DPP6: variants seen among roughly 807,000 people sequenced by gnomAD.
DPP6 encodes the protein dipeptidyl peptidase like 6.
In DPP6, 69 loss-of-function variants were observed where a neutral mutation model predicts 122.6. The ratio of observed to expected loss-of-function variants is 0.56; its 90% CI spans 0.46 to 0.69. DPP6 has a LOEUF of 0.69. Among genes scored for constraint, DPP6 ranks in the 30% least tolerant of loss-of-function variants. DPP6 has a pLI of 0.00. For synonymous variants in DPP6, 418 were observed against 433.1 expected, an observed-to-expected ratio of 0.97 and a Z score of 0.43; for missense variants, 928 against 1,116.9, an observed-to-expected ratio of 0.83 and a Z score of 2.41.
At chr7:153,835,229 A>ATT in the DPP6 span, among the ~76,000 whole-genome samples, 1 of 152,228 alleles carries the variant, frequency 6.6e-6, no homozygotes, top group Admixed American at 6.5e-5. Context: ...GACAGATGTG[A>ATT]TTAATGCTGA....
At chr7:154,746,426 T>C (rs74717899) in intron 8 of DPP6, among the ~76,000 whole-genome samples, 77 of 152,278 alleles carry the variant, frequency 5.1e-4, no homozygotes, top group African/African-American at 1.8e-3. Context: ...TGGGGACTTG[T>C]TGACAAAGTC....
intron 21 of DPP6, among the ~76,000 whole-genome samples, chr7:154,882,933 C>T (rs1805517952): frequency 1.3e-5 from 2 of 152,098 alleles, no homozygotes; most frequent in Non-Finnish European, 2.9e-5. Context: ...TTGGCATGAC[C>T]TGCGCTTCAC....
intron 5 of DPP6, among the ~76,000 whole-genome samples, chr7:154,623,170 C>G (rs149741812): frequency 2.0e-5 from 3 of 152,298 alleles, no homozygotes; most frequent in African/African-American, 7.2e-5. Flanking sequence ...TAACAGTTTG[C>G]AGAAAAGTCT....
At chr7:154,886,049 G>T (rs572706993) in intron 22 of DPP6, among the ~76,000 whole-genome samples, 2 of 152,354 alleles carry the variant, frequency 1.3e-5, no homozygotes, top group East Asian at 3.9e-4. Flanking sequence ...GCCAGGGTGC[G>T]CAGGAGGGGA....
chr7:154,216,480 T>TAGGGC (rs1246472802), intron 1 of DPP6, among the ~76,000 whole-genome samples: 1 of 152,182 alleles, frequency 6.6e-6, no homozygotes, highest in Non-Finnish European at 1.5e-5. Context: ...GTCCAAGGAC[T>TAGGGC]AGGGCAGGGC....
At chr7:153,870,969 T>C in the DPP6 span, among the ~76,000 whole-genome samples, 10 of 152,220 alleles carry the variant, frequency 6.6e-5, no homozygotes, top group Non-Finnish European at 1.0e-4. Flanking sequence ...ACAGCAGATA[T>C]TGGTGAACCT....
At chr7:153,818,014 A>G in the DPP6 span, among the ~76,000 whole-genome samples, 30 of 152,172 alleles carry the variant, frequency 2.0e-4, no homozygotes, top group East Asian at 5.0e-3. Flanking sequence ...CTCAGCCCAT[A>G]GAACAAAAGT....
chr7:154,752,213 A>T lies in DPP6; in HGVS notation c.884-17204A>T, dbSNP rs868320596. On this transcript the variant is annotated intron_variant, in intron 8 of 25. Transcript: ENST00000377770. Reference sequence around the variant, plus strand: ...TATTGTTTTAAAGAAAAGGATCCTTAACATTTCAGTGTGTAAGTACATCAA... The same window carrying T: ...TATTGTTTTAAAGAAAAGGATCCTTTACATTTCAGTGTGTAAGTACATCAA... 3.7e-4 allele frequency among the ~76,000 whole-genome samples: 56 copies of T among 152,334 alleles called. No homozygotes were observed. In the Middle Eastern group the frequency reaches 0.01, roughly 28 times the overall value.
upstream of DPP6, among the ~76,000 whole-genome samples, chr7:154,047,661 A>G (rs1248303072): frequency 1.3e-5 from 2 of 152,074 alleles, no homozygotes; most frequent in African/African-American, 4.8e-5. Flanking sequence ...GATTATTTGG[A>G]TAATTTCTGA....
intron 1 of DPP6, among the ~76,000 whole-genome samples, chr7:154,346,455 C>T (rs1810404172): frequency 6.6e-6 from 1 of 152,142 alleles, no homozygotes; most frequent in African/African-American, 2.4e-5. Context: ...TACAGGCACT[C>T]ACCACCATGC....
intron 1 of DPP6, among the ~76,000 whole-genome samples, chr7:154,153,448 A>G (rs1585501847): frequency 6.6e-6 from 1 of 152,284 alleles, no homozygotes; most frequent in African/African-American, 2.4e-5. Context: ...CGGCCTCCCA[A>G]TATGCTGGGA....
At chr7:154,756,135 C>G (rs1188233970) in intron 8 of DPP6, among the ~76,000 whole-genome samples, 1 of 152,188 alleles carries the variant, frequency 6.6e-6, no homozygotes, top group Non-Finnish European at 1.5e-5. Flanking sequence ...TCCAACTTCC[C>G]AGAACAATGA....
At chr7:154,644,179 C>T (rs1023336322) in intron 6 of DPP6, among the ~76,000 whole-genome samples, 2 of 152,132 alleles carry the variant, frequency 1.3e-5, no homozygotes, top group East Asian at 1.9e-4. Context: ...ACAGTAGGCG[C>T]AGATTAGTTT....
intron 12 of DPP6, among the ~76,000 whole-genome samples, chr7:154,798,922 G>A (rs769247570): frequency 2.0e-5 from 3 of 152,170 alleles, no homozygotes; most frequent in Non-Finnish European, 4.4e-5. Flanking sequence ...TGCTGCCAGC[G>A]AAGCCATTGG....
At chr7:154,404,705 C>T (rs765684089) in intron 1 of DPP6, among the ~76,000 whole-genome samples, 8 of 152,106 alleles carry the variant, frequency 5.3e-5, no homozygotes, top group Non-Finnish European at 8.8e-5. Flanking sequence ...AGTTGTGATT[C>T]GATAAAATGG....
intron 7 of DPP6, among the ~76,000 whole-genome samples, chr7:154,714,352 A>G (rs1474692995): frequency 6.6e-6 from 1 of 151,668 alleles, no homozygotes; most frequent in Non-Finnish European, 1.5e-5. Context: ...GCAGCACCTC[A>G]CTCTCCGTAG....
At chr7:153,797,864 T>G in the DPP6 span, among the ~76,000 whole-genome samples, 1 of 151,954 alleles carries the variant, frequency 6.6e-6, no homozygotes, top group Non-Finnish European at 1.5e-5. Context: ...CCTTTTGAAA[T>G]GGAGTCTCGC....
chr7:153,783,964 A>T, the DPP6 span, among the ~76,000 whole-genome samples: 1 of 152,256 alleles, frequency 6.6e-6, no homozygotes, highest in Non-Finnish European at 1.5e-5. Flanking sequence ...GGAATCTCAT[A>T]GTCATATTTA....
At chr7:153,874,549 T>G in the DPP6 span, among the ~76,000 whole-genome samples, 1 of 152,090 alleles carries the variant, frequency 6.6e-6, no homozygotes, top group Non-Finnish European at 1.5e-5. Context: ...CTAATTTTTG[T>G]ATTTTTAGTA....
Sources: gnomAD v4.1 joint callset for allele counts (sites outside exome capture counted in the v4.1 genomes callset) on GRCh38, gnomAD v4.1.1 for gene constraint, MANE v1.5 for transcripts, NCBI Gene and HGNC (gene_info 2026-07-23, HGNC 2026-07-21) for gene names.